The following SH3D19 variants were observed in gnomAD, a reference collection of about 807,000 sequenced individuals.
SH3D19 encodes SH3 domain containing 19.
SH3D19 carries 58 observed loss-of-function variants against 112.1 expected under a neutral mutation model. The observed-to-expected ratio is 0.52, with a 90% confidence interval of 0.42 to 0.64. The LOEUF is 0.64. Among genes scored for constraint, SH3D19 ranks in the 30% least tolerant of loss-of-function variants. The probability of loss-of-function intolerance (pLI) is 0.00; values close to 1 mark genes in which losing one functional copy is unlikely to be tolerated. For synonymous variants in SH3D19, 391 were observed against 448.5 expected, an observed-to-expected ratio of 0.87 and a Z score of 1.62; for missense variants, 1,090 against 1,263.4, an observed-to-expected ratio of 0.86 and a Z score of 2.08.
At position 151,139,831 on chromosome 4, in the gene SH3D19, T is replaced by A. The variant is rs768793184; in HGVS notation, c.2240A>T (p.Gln747Leu). 1 of 1,614,084 alleles carries A rather than the reference T, an allele frequency of 6.2e-7. No individual in the cohort carries two copies. The highest frequency in any genetic ancestry group is 2.2e-5 in the East Asian group (1 of 44,902). ...AGGAGCACCACTGTCAACAGGCTTC[T>A]GAGCGTGGCTTGGATCCTTAGGGGG... ...RSRPNDPSHA[Q>L]KPVDSGAPHA... The change falls in exon 13 of 20, where the codon CAG (glutamine) becomes CTG (leucine). Residue 747 changes from glutamine to leucine, a missense_variant. By Grantham distance (113) the Gln-to-Leu change is moderately radical (BLOSUM62 -2). Coordinates refer to ENST00000604030, the MANE Select transcript of SH3D19 (RefSeq NM_001378122.1).
chr4:151,319,881 C>A (rs921601315), intron 1 of SH3D19, among the ~76,000 whole-genome samples: 2 of 152,162 alleles, frequency 1.3e-5, no homozygotes, highest in Admixed American at 1.3e-4. Context: ...TAGTAACTGA[C>A]TTATATGAGC....
At chr4:151,209,818 T>C (rs1765675274) in intron 2 of SH3D19, among the ~76,000 whole-genome samples, 1 of 152,174 alleles carries the variant, frequency 6.6e-6, no homozygotes, top group African/African-American at 2.4e-5. Flanking sequence ...GCTCCGAGCA[T>C]ACAGATTTCC....
intron 2 of SH3D19, among the ~76,000 whole-genome samples, chr4:151,217,466 C>G (rs1392113507): frequency 6.6e-6 from 1 of 152,080 alleles, no homozygotes; most frequent in Non-Finnish European, 1.5e-5. Context: ...AAATATTCTG[C>G]ATGTTGAGTT....
chr4:151,146,732 C>T (rs1753984086), intron 11 of SH3D19, among the ~76,000 whole-genome samples: 1 of 151,988 alleles, frequency 6.6e-6, no homozygotes, highest in African/African-American at 2.4e-5. Flanking sequence ...AGAGGTTTCA[C>T]CACGTTGGCC....
chr4:151,272,332 C>T (rs981341521), intron 1 of SH3D19, among the ~76,000 whole-genome samples: 5 of 152,098 alleles, frequency 3.3e-5, no homozygotes, highest in Admixed American at 3.3e-4. Flanking sequence ...TAAGGTAATA[C>T]AGCCATACCC....
At position 151,237,140 on chromosome 4, in the gene SH3D19, A is replaced by G. The variant is rs1373697334; in HGVS notation, c.113-11054T>C. Among the ~76,000 whole-genome samples the G allele has an allele frequency of 2.0e-5, 3 of 152,148 alleles. 1 individual carries two copies. The highest frequency in any genetic ancestry group is 2.0e-4 in the Admixed American group (3 of 15,282). ...AGTCTGCAGCTTCACTCCTGAAGCC[A>G]GCGAGACCACGAACCCAGCGGAAGG... is the stretch of plus-strand genomic sequence containing the variant. On this transcript the variant is annotated intron_variant, in intron 1 of 19. Transcript: ENST00000604030.
At position 151,305,705 on chromosome 4, in the gene SH3D19, G is replaced by GA. The variant is rs559428819; in HGVS notation, c.112+19535dup. Among the ~76,000 whole-genome samples the GA allele has an allele frequency of 1.8e-3, 275 of 152,296 alleles. 1 individual carries two copies. Among genetic ancestry groups the GA allele is most frequent in the African/African-American group, 6.4e-3 (268 of 41,560 alleles). Reference sequence around the variant, plus strand: ...TGCTGGTGAGAATGCAGAACAATGAGAACTCTCATACATTGCTGGTGATAA... The same window carrying GA: ...TGCTGGTGAGAATGCAGAACAATGAGAAACTCTCATACATTGCTGGTGATAA... On this transcript the variant is annotated intron_variant, in intron 1 of 19. Coordinates refer to ENST00000604030, the MANE Select transcript of SH3D19 (RefSeq NM_001378122.1).
At chr4:151,308,862 G>A (rs1455616051) in intron 1 of SH3D19, among the ~76,000 whole-genome samples, 1 of 151,992 alleles carries the variant, frequency 6.6e-6, no homozygotes, top group Non-Finnish European at 1.5e-5. Flanking sequence ...TGCTTCCTGC[G>A]TCTTTCTTTT....
chr4:151,146,704 T>C (rs1457047956), intron 11 of SH3D19, among the ~76,000 whole-genome samples: 1 of 152,178 alleles, frequency 6.6e-6, no homozygotes, highest in African/African-American at 2.4e-5. Flanking sequence ...AGCTAATTTT[T>C]GTATTTTTAG....
intron 1 of SH3D19, among the ~76,000 whole-genome samples, chr4:151,232,984 A>C (rs750987182): frequency 2.0e-5 from 3 of 152,234 alleles, no homozygotes; most frequent in Non-Finnish European, 4.4e-5. Flanking sequence ...ACTGGGCCAC[A>C]GGGCAGGAAG....
intron 1 of SH3D19, among the ~76,000 whole-genome samples, chr4:151,270,759 T>G (rs1461800159): frequency 6.6e-6 from 1 of 152,166 alleles, no homozygotes; most frequent in East Asian, 1.9e-4. Context: ...TGAAATGTCA[T>G]TATGAGGCAC....
At chr4:151,280,700 AG>A (rs1373288703) in intron 1 of SH3D19, among the ~76,000 whole-genome samples, 1 of 152,140 alleles carries the variant, frequency 6.6e-6, no homozygotes, top group Non-Finnish European at 1.5e-5. Context: ...CTGAGGTAGA[AG>A]GATCACTTGA....
At chr4:151,166,183 T>C (rs1482820377) in intron 7 of SH3D19, 9 of 152,310 alleles carry the variant, frequency 5.9e-5, no homozygotes, top group Non-Finnish European at 1.3e-4. Context: ...GTCTCCGATT[T>C]AGTAGTTTAG....
chr4:151,236,791 A>G (rs6535776), intron 1 of SH3D19, among the ~76,000 whole-genome samples: 120,376 of 152,018 alleles, frequency 0.79, 49,933 homozygotes, highest in Non-Finnish European at 0.93. Context: ...TAAATGGCCA[A>G]TCGGCACTCT....
At chr4:151,273,418 G>A (rs142186776) in intron 1 of SH3D19, among the ~76,000 whole-genome samples, 5,581 of 151,572 alleles carry the variant, frequency 0.037, 309 homozygotes, top group African/African-American at 0.13. Context: ...GTGAAAACCC[G>A]TCTCTACTAA....
chr4:151,287,619 T>G (rs1301166317), intron 1 of SH3D19, among the ~76,000 whole-genome samples: 2 of 152,024 alleles, frequency 1.3e-5, no homozygotes, highest in South Asian at 4.1e-4. Flanking sequence ...CTTTTTAGGA[T>G]GTGGTGACTC....
intron 12 of SH3D19, 197 bp from the exon 13 acceptor site, chr4:151,140,044 G>C (rs1440829906): frequency 1.9e-6 from 1 of 530,662 alleles, no homozygotes; most frequent in Non-Finnish European, 3.3e-6. Flanking sequence ...CTTGCTAAGG[G>C]AGGATGAAAA....
chr4:151,220,052 T>C (rs1344931049), intron 2 of SH3D19, among the ~76,000 whole-genome samples: 1 of 152,240 alleles, frequency 6.6e-6, no homozygotes, highest in East Asian at 1.9e-4. Context: ...TCCGTAATGC[T>C]GCCTCTATCA....
intron 7 of SH3D19, among the ~76,000 whole-genome samples, chr4:151,167,029 T>C (rs1758155925): frequency 6.6e-6 from 1 of 151,942 alleles, no homozygotes; most frequent in South Asian, 2.1e-4. Context: ...GGTCCCCAGA[T>C]GGCAAGCTAG....
Sources: allele counts gnomAD v4.1 joint callset (sites outside exome capture counted in the v4.1 genomes callset), GRCh38; gene constraint gnomAD v4.1.1; transcripts MANE v1.5; gene names NCBI Gene and HGNC (gene_info 2026-07-23, HGNC 2026-07-21).